Variants in AFF1 observed in about 807,000 individuals in gnomAD.
AFF1 encodes ALF transcription elongation factor 1.
A neutral mutation model predicts 121.7 loss-of-function variants in AFF1; 48 were observed. That is an observed-to-expected ratio of 0.39 (90% CI 0.31 to 0.50). The LOEUF (loss-of-function observed/expected upper bound fraction) is 0.50. AFF1 is among the 20% of genes least tolerant of loss of function. The pLI is 0.76. For synonymous variants in AFF1, 613 were observed against 563.0 expected, an observed-to-expected ratio of 1.09 and a Z score of -1.26; for missense variants, 1,523 against 1,511.7, an observed-to-expected ratio of 1.01 and a Z score of -0.12.
chr4:86,976,976 C>T (rs1336681838), intron 2 of AFF1, among the ~76,000 whole-genome samples: 2 of 152,170 alleles, frequency 1.3e-5, no homozygotes, highest in African/African-American at 4.8e-5. Flanking sequence ...ATGTCTGGCA[C>T]ACAGCAAGTG....
chr4:87,122,775 G>A (rs1207321502), intron 12 of AFF1, among the ~76,000 whole-genome samples: 1 of 147,894 alleles, frequency 6.8e-6, no homozygotes, highest in African/African-American at 2.5e-5. Flanking sequence ...AGCAAACTGT[G>A]AAGAACTGTG....
chr4:87,039,266 A>G (rs1349014123), intron 2 of AFF1, among the ~76,000 whole-genome samples: 3 of 152,164 alleles, frequency 2.0e-5, no homozygotes, highest in East Asian at 1.9e-4. Flanking sequence ...ATTTTACCAC[A>G]ATATTTTAAA....
At chr4:87,100,867 C>T (rs1725365051) in intron 8 of AFF1, among the ~76,000 whole-genome samples, 1 of 152,228 alleles carries the variant, frequency 6.6e-6, no homozygotes, top group Non-Finnish European at 1.5e-5. Context: ...GATTTTCCCT[C>T]ATTTACACTC....
At position 87,046,683 on chromosome 4, in the gene AFF1, C is replaced by T. The variant is rs1560570922; in HGVS notation, c.160-12C>T. On this transcript the variant is annotated splice_polypyrimidine_tract_variant and intron_variant, in intron 3 of 20. Coordinates refer to ENST00000395146, the MANE Select transcript of AFF1 (RefSeq NM_001166693.3). The stretch of plus-strand genomic sequence containing the variant: ...AGTTTTTTTTCATTCTCAAATTCTC[C>T]TTTTTTTTCAGACAGCAAAAGGTGA... 1 of 1,580,094 alleles carries T rather than the reference C, an allele frequency of 6.3e-7. No individual in the cohort carries two copies. Among genetic ancestry groups the T allele is most frequent in the East Asian group, 2.3e-5 (1 of 44,390 alleles).
intron 2 of AFF1, among the ~76,000 whole-genome samples, chr4:87,035,734 A>G (rs340628): frequency 0.94 from 142,868 of 152,102 alleles, 67,392 homozygotes; most frequent in Non-Finnish European, 0.98. Flanking sequence ...CACATTCCAA[A>G]TGAGAAGTGA....
rs3733375 is a variant in AFF1, at chr4:87,136,231, A to C, written c.*530A>C. On this transcript the variant is annotated 3_prime_UTR_variant, in exon 21 of 21. Coordinates refer to ENST00000395146, the MANE Select transcript of AFF1 (RefSeq NM_001166693.3). ...TTCTAATGGCCATCTGTAAACCATA[A>C]GTAATGAAGGACTCCACTGTGCCCC... 5.7e-4 allele frequency: 133 copies of C among 232,042 alleles called. No homozygotes were observed. The East Asian group carries it at 8.0e-3, about 14-fold the overall frequency. The allele number at this position is 232,042 out of a possible 1,614,324, so 14.4% of individuals were successfully genotyped here. A position where few individuals can be genotyped will look rare whatever the true frequency, so the allele number is the denominator to read the frequency against.
intron 7 of AFF1, among the ~76,000 whole-genome samples, chr4:87,093,510 G>A (rs1343855820): frequency 2.0e-5 from 3 of 152,146 alleles, no homozygotes; most frequent in African/African-American, 7.2e-5. Context: ...TCTCTGGAGA[G>A]GGGAGGTAGG....
At chr4:87,122,075 C>T (rs911774701) in intron 12 of AFF1, among the ~76,000 whole-genome samples, 3 of 152,168 alleles carry the variant, frequency 2.0e-5, no homozygotes, top group Non-Finnish European at 2.9e-5. Flanking sequence ...TCATTAACTG[C>T]CTGGAAATAC....
At chr4:87,118,569 C>T (rs1245697585) in intron 12 of AFF1, among the ~76,000 whole-genome samples, 1 of 152,166 alleles carries the variant, frequency 6.6e-6, no homozygotes, top group Non-Finnish European at 1.5e-5. Flanking sequence ...GGCTGGAATG[C>T]AGTGGCATAG....
At chr4:87,084,528 A>G (rs374693133) in intron 5 of AFF1, among the ~76,000 whole-genome samples, 32 of 150,958 alleles carry the variant, frequency 2.1e-4, no homozygotes, top group Middle Eastern at 3.2e-3. Flanking sequence ...CAGCCTGGGC[A>G]ACAGAGTTGA....
chr4:87,047,644 A>G (rs772507963), intron 4 of AFF1, 50 bp downstream of exon 4: 2 of 1,611,406 alleles, frequency 1.2e-6, no homozygotes, highest in Non-Finnish European at 1.7e-6. Flanking sequence ...GACGGATTTG[A>G]GATGAAAATG....
Position 86,948,510 on chromosome 4 carries a change from G to A in AFF1, c.-24G>A, listed in dbSNP as rs750604907. 4.6e-6 allele frequency: 7 copies of A among 1,536,164 alleles called. No individual in the cohort carries two copies. In the East Asian group the frequency reaches 7.3e-5, roughly 16 times the overall value. ...GTTTCTCTTTCAGATGAACAGACTA[G>A]CCACTTTGCATTGACTGGAAACAAT... is the stretch of plus-strand genomic sequence containing the variant. On this transcript the variant is annotated 5_prime_UTR_variant, in exon 2 of 21. Transcript: ENST00000395146.
At chr4:86,943,952 ACT>A (rs1185993153) in intron 1 of AFF1, among the ~76,000 whole-genome samples, 2 of 81,254 alleles carry the variant, frequency 2.5e-5, no homozygotes, top group African/African-American at 7.6e-5. Context: ...CAAGAACGAA[ACT>A]CTACCCAAAA....
At chr4:86,966,615 C>A (rs1722557313) in intron 2 of AFF1, among the ~76,000 whole-genome samples, 2 of 151,628 alleles carry the variant, frequency 1.3e-5, no homozygotes, top group Admixed American at 1.3e-4. Flanking sequence ...CATAGTATTA[C>A]TAGGCTAATG....
intron 2 of AFF1, among the ~76,000 whole-genome samples, chr4:87,032,250 A>G (rs987264896): frequency 1.3e-5 from 2 of 152,254 alleles, no homozygotes; most frequent in African/African-American, 4.8e-5. Flanking sequence ...TTGTTACCAT[A>G]TAAAATACCA....
rs769739495 is a variant in AFF1, at chr4:87,114,597, A to G, written c.1764A>G (p.Gly588=). 19 of 841,160 alleles carry G rather than the reference A, an allele frequency of 2.3e-5. No homozygotes were observed. The African/African-American group carries it at 2.8e-4, about 12-fold the overall frequency. 52.1% of individuals were successfully genotyped at this position (841,160 alleles called of 1,614,324 possible). The change falls in exon 12 of 21, where the codon GGA becomes GGG. Residue 588 remains glycine, a synonymous_variant. Coordinates refer to ENST00000395146, the MANE Select transcript of AFF1 (RefSeq NM_001166693.3). The part of the protein sequence containing the change: ...PRAPPEAPHP[G]KRSCQKSPAQ... ...CCCCACCCGAAGCCCCCCACCCCGG[A>G]AAGAGGAGCTGTCAGAAGTCTCCGG... is the stretch of plus-strand genomic sequence containing the variant.
chr4:87,046,631 G>A (rs1560570851), intron 3 of AFF1, 64 bp from the exon 4 acceptor site: 4 of 1,485,074 alleles, frequency 2.7e-6, no homozygotes, highest in Non-Finnish European at 3.6e-6. Context: ...ATTATATAAC[G>A]TGGTTTGTTA....
chr4:86,950,215 G>A lies in AFF1; in HGVS notation c.38+1644G>A. The A allele has an allele frequency of 2.6e-6, 3 of 1,159,744 alleles. No homozygotes were observed. In the East Asian group the frequency reaches 7.3e-5, roughly 28 times the overall value. The allele number at this position is 1,159,744 out of a possible 1,614,324, so 71.8% of individuals were successfully genotyped here. A position where few individuals can be genotyped will look rare whatever the true frequency, so the allele number is the denominator to read the frequency against. ...TTTTTTAAGACAAAGTTTCGCTATT[G>A]TTGCCCCGGCTGGAGTGCAGTGCCA... On this transcript the variant is annotated intron_variant, in intron 2 of 20. Transcript: ENST00000395146.
At chr4:87,075,018 G>A (rs1236560738) in intron 4 of AFF1, among the ~76,000 whole-genome samples, 1 of 152,310 alleles carries the variant, frequency 6.6e-6, no homozygotes, top group East Asian at 1.9e-4. Context: ...CTCAGTTAAT[G>A]CAGATTGAGC....
Sources: gnomAD v4.1 joint callset for allele counts (sites outside exome capture counted in the v4.1 genomes callset) on GRCh38, gnomAD v4.1.1 for gene constraint, MANE v1.5 for transcripts, NCBI Gene and HGNC (gene_info 2026-07-23, HGNC 2026-07-21) for gene names.